Variants in RANBP2 observed in about 807,000 individuals in gnomAD.
RANBP2 encodes E3 SUMO-protein ligase RanBP2.
In RANBP2, 57 loss-of-function variants were observed where a neutral mutation model predicts 303.6. That is an observed-to-expected ratio of 0.19 (90% CI 0.15 to 0.23). The LOEUF (loss-of-function observed/expected upper bound fraction) is 0.23, where lower values mean the gene tolerates loss of function less well. Ranked by LOEUF, RANBP2 falls within the 10% of genes least tolerant of loss-of-function variation. RANBP2 has a pLI of 1.00. For missense variants in RANBP2, 3,138 were observed against 3,780.8 expected, an observed-to-expected ratio of 0.83 and a Z score of 4.46; for synonymous variants, 1,167 against 1,301.5, an observed-to-expected ratio of 0.90 and a Z score of 2.23.
At chr2:108,728,726 C>G (rs948281323) in intron 1 of RANBP2, among the ~76,000 whole-genome samples, 1 of 152,116 alleles carries the variant, frequency 6.6e-6, no homozygotes, top group Non-Finnish European at 1.5e-5. Context: ...CTCACTGCAA[C>G]CTCCACCTCC....
chr2:109,202,047 G>C, the RANBP2 span, among the ~76,000 whole-genome samples: 1 of 151,444 alleles, frequency 6.6e-6, no homozygotes. Context: ...TTGGAGCCTG[G>C]CTGGGTCTCG....
chr2:109,687,815 T>C, the RANBP2 span, among the ~76,000 whole-genome samples: 2 of 150,704 alleles, frequency 1.3e-5, no homozygotes, highest in Non-Finnish European at 2.9e-5. Flanking sequence ...CGATCATGGC[T>C]CACTGCAGCC....
the RANBP2 span, among the ~76,000 whole-genome samples, chr2:108,972,603 T>C: frequency 1.3e-5 from 2 of 152,254 alleles, no homozygotes; most frequent in Admixed American, 6.5e-5. Flanking sequence ...CAAGTGTTGG[T>C]AAAACAAGTG....
At chr2:108,749,706 C>T (rs1675700948) in intron 9 of RANBP2, among the ~76,000 whole-genome samples, 1 of 152,188 alleles carries the variant, frequency 6.6e-6, no homozygotes, top group African/African-American at 2.4e-5. Context: ...ATTCTCTTGC[C>T]TCAGCCTCCT....
At chr2:109,566,857 T>C in the RANBP2 span, among the ~76,000 whole-genome samples, 1 of 152,170 alleles carries the variant, frequency 6.6e-6, no homozygotes, top group South Asian at 2.1e-4. Flanking sequence ...AAAAGTCTAA[T>C]GTAAAAATTA....
chr2:109,270,486 C>T, the RANBP2 span, among the ~76,000 whole-genome samples: 1 of 152,158 alleles, frequency 6.6e-6, no homozygotes, highest in African/African-American at 2.4e-5. Flanking sequence ...GGGCTCTGAG[C>T]CACTGGACTT....
At chr2:108,864,793 C>CA in the RANBP2 span, among the ~76,000 whole-genome samples, 91,587 of 124,894 alleles carry the variant, frequency 0.73, 34,757 homozygotes, top group East Asian at 0.9. Flanking sequence ...GACTCCATCT[C>CA]AAAAAAAAAA....
the RANBP2 span, among the ~76,000 whole-genome samples, chr2:108,825,195 T>C: frequency 6.6e-6 from 1 of 152,094 alleles, no homozygotes; most frequent in Admixed American, 6.6e-5. Context: ...GTCCAAAACT[T>C]AGAGAGACTT....
the RANBP2 span, among the ~76,000 whole-genome samples, chr2:109,271,038 G>A: frequency 6.6e-6 from 1 of 152,198 alleles, no homozygotes; most frequent in Non-Finnish European, 1.5e-5. Context: ...GCCTGGTGAT[G>A]TCCTGAGTAT....
the RANBP2 span, among the ~76,000 whole-genome samples, chr2:109,694,153 T>C: frequency 6.6e-6 from 1 of 152,110 alleles, no homozygotes; most frequent in African/African-American, 2.4e-5. Flanking sequence ...GATTGGATCA[T>C]GGGGGTGGAT....
chr2:109,167,863 A>G, the RANBP2 span, among the ~76,000 whole-genome samples: 4 of 152,130 alleles, frequency 2.6e-5, no homozygotes, highest in South Asian at 2.1e-4. Flanking sequence ...GAGCCACTGC[A>G]CCCAGCCTAG....
At chr2:109,677,709 C>T in the RANBP2 span, among the ~76,000 whole-genome samples, 1 of 152,226 alleles carries the variant, frequency 6.6e-6, no homozygotes, top group Admixed American at 6.5e-5. Context: ...CTGACAACAG[C>T]TGTGCCCTCG....
chr2:108,891,181 A>C, the RANBP2 span, among the ~76,000 whole-genome samples: 13,787 of 152,252 alleles, frequency 0.091, 855 homozygotes, highest in South Asian at 0.23. Flanking sequence ...ATTTTTGATT[A>C]AGATCTATTG....
the RANBP2 span, among the ~76,000 whole-genome samples, chr2:109,481,095 A>T: frequency 1.3e-5 from 2 of 152,170 alleles, no homozygotes; most frequent in Admixed American, 6.5e-5. Context: ...TGCCAAAAAG[A>T]ATCTGACAGC....
the RANBP2 span, chr2:108,897,116 T>G: frequency 8.0e-4 from 1,298 of 1,614,018 alleles, 21 homozygotes; most frequent in East Asian, 0.024. Context: ...AGGCCGAAGC[T>G]CTCGGCGAGG....
the RANBP2 span, among the ~76,000 whole-genome samples, chr2:109,636,832 A>G: frequency 2.6e-5 from 4 of 151,926 alleles, no homozygotes; most frequent in Middle Eastern, 3.4e-3. Context: ...CAGCTATTCA[A>G]GAGGCTGAAG....
At chr2:109,350,941 G>A in the RANBP2 span, among the ~76,000 whole-genome samples, 2 of 152,234 alleles carry the variant, frequency 1.3e-5, no homozygotes, top group African/African-American at 4.8e-5. Flanking sequence ...CAGACTGATG[G>A]AGTTTAAATT....
chr2:108,873,193 C>G, the RANBP2 span, among the ~76,000 whole-genome samples: 2 of 152,124 alleles, frequency 1.3e-5, no homozygotes, highest in Admixed American at 1.3e-4. Flanking sequence ...TTCTTTCAAA[C>G]ATGGGATTTC....
the RANBP2 span, among the ~76,000 whole-genome samples, chr2:108,974,196 G>A: frequency 3.3e-5 from 5 of 151,618 alleles, no homozygotes; most frequent in South Asian, 8.3e-4. Context: ...TGGGCGTGGT[G>A]GCAGGCGCCT....
Sources: allele counts gnomAD v4.1 joint callset (sites outside exome capture counted in the v4.1 genomes callset), GRCh38; gene constraint gnomAD v4.1.1; transcripts MANE v1.5; gene names NCBI Gene and HGNC (gene_info 2026-07-23, HGNC 2026-07-21).